The following NPSR1 variants were observed in gnomAD, a reference collection of about 807,000 sequenced individuals.
NPSR1 encodes neuropeptide S receptor 1.
NPSR1 carries 48 observed loss-of-function variants against 46.9 expected under a neutral mutation model. The ratio of observed to expected loss-of-function variants is 1.02; its 90% CI spans 0.81 to 1.30. NPSR1 has a LOEUF of 1.30. Ranked by LOEUF, NPSR1 falls within the 50% of genes most tolerant of loss-of-function variation. The probability of loss-of-function intolerance (pLI) is 0.00; values close to 1 mark genes in which losing one functional copy is unlikely to be tolerated. For synonymous variants in NPSR1, 176 were observed against 168.1 expected (o/e 1.05, Z -0.36); for missense variants, 450 against 449.5 (o/e 1.00, Z -0.01).
intron 8 of NPSR1, among the ~76,000 whole-genome samples, chr7:34,874,453 A>T (rs902682650): frequency 6.6e-6 from 1 of 152,110 alleles, no homozygotes; most frequent in South Asian, 2.1e-4. Context: ...CGGTTAAAAT[A>T]AAAAAAGGAG....
At chr7:34,794,680 C>G (rs774736377) in intron 3 of NPSR1, among the ~76,000 whole-genome samples, 1 of 152,066 alleles carries the variant, frequency 6.6e-6, no homozygotes, top group Non-Finnish European at 1.5e-5. Context: ...TATTTTCTAA[C>G]TCATTGTATA....
In NPSR1 at chr7:34,805,032, C is replaced by T. The variant is rs761728164; in HGVS notation, c.385-6738C>T. Among the ~76,000 whole-genome samples the T allele has an allele frequency of 5.0e-4, 76 of 151,012 alleles. 1 individual carries two copies. The highest frequency in any genetic ancestry group is 9.6e-4 in the Non-Finnish European group (65 of 67,550). On this transcript the variant is annotated intron_variant, in intron 3 of 8. Coordinates refer to ENST00000360581, the MANE Select transcript of NPSR1 (RefSeq NM_207172.2). Reference sequence around the variant, plus strand: ...ACTACAAAACTGATGGAAAAAAAAGCAAATATCTAAATAAATGAAGAGATG... The same window carrying T: ...ACTACAAAACTGATGGAAAAAAAAGTAAATATCTAAATAAATGAAGAGATG...
intron 6 of NPSR1, among the ~76,000 whole-genome samples, chr7:34,835,673 T>C (rs1790331646): frequency 6.6e-6 from 1 of 152,200 alleles, no homozygotes; most frequent in Non-Finnish European, 1.5e-5. Flanking sequence ...TGGAGATACA[T>C]AAGTCTGGGT....
At position 34,790,925 on chromosome 7, in the gene NPSR1, TTA is replaced by T. The variant is rs1438083023; in HGVS notation, c.384+12364_384+12365del. Among the ~76,000 whole-genome samples the T allele has an allele frequency of 2.6e-3, 337 of 128,692 alleles. 12 individuals are homozygous for T. Among genetic ancestry groups the T allele is most frequent in the Non-Finnish European group, 3.5e-3 (228 of 65,266 alleles). The allele number at this position is 128,692 out of a possible 152,430, so 84.4% of individuals were successfully genotyped here. A position where few individuals can be genotyped will look rare whatever the true frequency, so the allele number is the denominator to read the frequency against. On this transcript the variant is annotated intron_variant, in intron 3 of 8. Transcript: ENST00000360581. ...TATGTTATATTATATATCATATATG[TTA>T]TATGTTATATTATATATCATATATG... is the stretch of plus-strand genomic sequence containing the variant.
intron 3 of NPSR1, among the ~76,000 whole-genome samples, chr7:34,785,598 C>A (rs1787431313): frequency 6.6e-6 from 1 of 151,908 alleles, no homozygotes; most frequent in Non-Finnish European, 1.5e-5. Flanking sequence ...ATTTACAATA[C>A]TCTAATAATG....
chr7:34,798,298 G>T (rs903161689), intron 3 of NPSR1, among the ~76,000 whole-genome samples: 19 of 152,162 alleles, frequency 1.2e-4, no homozygotes, highest in African/African-American at 4.6e-4. Context: ...ACTTTGGGAG[G>T]CCGAGGCAGG....
chr7:34,795,900 T>G (rs1026515367), intron 3 of NPSR1, among the ~76,000 whole-genome samples: 1 of 152,132 alleles, frequency 6.6e-6, no homozygotes, highest in East Asian at 1.9e-4. Context: ...ATCAACAAAC[T>G]GATTCTAAAC....
chr7:34,801,951 A>T (rs1409046071), intron 3 of NPSR1, among the ~76,000 whole-genome samples: 1 of 149,934 alleles, frequency 6.7e-6, no homozygotes, highest in African/African-American at 2.5e-5. Flanking sequence ...ATCATGAGGG[A>T]ACACCCATTC....
At chr7:34,704,914 G>A (rs901805671) in intron 2 of NPSR1, among the ~76,000 whole-genome samples, 1 of 152,210 alleles carries the variant, frequency 6.6e-6, no homozygotes, top group Non-Finnish European at 1.5e-5. Context: ...TGGTGGTATT[G>A]TTTGGCTTCC....
At chr7:34,688,728 T>G (rs1180068082) in intron 2 of NPSR1, among the ~76,000 whole-genome samples, 1 of 152,212 alleles carries the variant, frequency 6.6e-6, no homozygotes, top group Non-Finnish European at 1.5e-5. Context: ...ATCAGGAGCT[T>G]GAGCTACTCC....
chr7:34,875,301 A>T (rs1486045806), intron 8 of NPSR1, among the ~76,000 whole-genome samples: 1 of 152,220 alleles, frequency 6.6e-6, no homozygotes, highest in Non-Finnish European at 1.5e-5. Context: ...TTGGAAGCTT[A>T]GTAAAAATAC....
intron 2 of NPSR1, chr7:34,758,113 T>C (rs1022765813): frequency 2.6e-5 from 4 of 152,602 alleles, no homozygotes; most frequent in Non-Finnish European, 5.9e-5. Flanking sequence ...AAAATGGAGG[T>C]TGTAAAAATA....
At chr7:34,870,602 G>A (rs1791427921) in intron 8 of NPSR1, among the ~76,000 whole-genome samples, 3 of 151,766 alleles carry the variant, frequency 2.0e-5, no homozygotes, top group African/African-American at 7.3e-5. Flanking sequence ...AAGAAAAATG[G>A]CTGAGTTCTA....
rs551959037 is a variant in NPSR1, at chr7:34,818,002, C to T, written c.478+6139C>T. Among the ~76,000 whole-genome samples, 115 of 152,096 alleles carry T rather than the reference C, an allele frequency of 7.6e-4. 1 individual carries two copies. In the South Asian group the frequency reaches 0.012, roughly 16 times the overall value. On this transcript the variant is annotated intron_variant, in intron 4 of 8. Coordinates refer to ENST00000360581, the MANE Select transcript of NPSR1 (RefSeq NM_207172.2). ...AACTGGAAGCATTCCCTTTGAAAACCGGCACAAGACAAGGATGCCCTCTCT... is the reference window on the plus strand; with the variant it reads ...AACTGGAAGCATTCCCTTTGAAAACTGGCACAAGACAAGGATGCCCTCTCT...
At chr7:34,778,037 A>G (rs1787055280) in intron 2 of NPSR1, among the ~76,000 whole-genome samples, 1 of 152,136 alleles carries the variant, frequency 6.6e-6, no homozygotes, top group African/African-American at 2.4e-5. Flanking sequence ...AAGAGGTCCA[A>G]TTTGCAAAAT....
At chr7:34,828,677 A>C (rs149323905) in intron 5 of NPSR1, among the ~76,000 whole-genome samples, 2 of 152,164 alleles carry the variant, frequency 1.3e-5, no homozygotes, top group Non-Finnish European at 2.9e-5. Context: ...GTGTAAAGAG[A>C]GCTGTGATAA....
At chr7:34,813,667 CAAAAG>C (rs1350299603) in intron 4 of NPSR1, among the ~76,000 whole-genome samples, 1 of 152,102 alleles carries the variant, frequency 6.6e-6, no homozygotes, top group Non-Finnish European at 1.5e-5. Context: ...AGAGAACACA[CAAAAG>C]AAAACTCCAG....
At chr7:34,802,739 T>C (rs62462943) in intron 3 of NPSR1, among the ~76,000 whole-genome samples, 12,512 of 150,236 alleles carry the variant, frequency 0.083, 756 homozygotes, top group East Asian at 0.12. Context: ...ACTAAAGAGC[T>C]TCTGCACAGC....
chr7:34,755,427 T>G (rs1785779818), intron 2 of NPSR1, among the ~76,000 whole-genome samples: 1 of 152,232 alleles, frequency 6.6e-6, no homozygotes, highest in Non-Finnish European at 1.5e-5. Flanking sequence ...GTGCTTTTGT[T>G]TCTGACTTCT....
Sources: allele counts gnomAD v4.1 joint callset (sites outside exome capture counted in the v4.1 genomes callset), GRCh38; gene constraint gnomAD v4.1.1; transcripts MANE v1.5; gene names NCBI Gene and HGNC (gene_info 2026-07-23, HGNC 2026-07-21).